The following KIT variants were observed in gnomAD, a reference collection of about 807,000 sequenced individuals.
KIT encodes KIT proto-oncogene, receptor tyrosine kinase, also known as mast/stem cell growth factor receptor Kit.
A neutral mutation model predicts 105.7 loss-of-function variants in KIT; 16 were observed. That is an observed-to-expected ratio of 0.15 (90% CI 0.10 to 0.23). The LOEUF is 0.23. KIT is among the 10% of genes least tolerant of loss of function. The pLI is 1.00. For synonymous variants in KIT, 438 were observed against 441.1 expected, an observed-to-expected ratio of 0.99 and a Z score of 0.09; for missense variants, 858 against 1,213.8, an observed-to-expected ratio of 0.71 and a Z score of 4.36.
At chr4:54,668,974 A>C (rs1717902789) in intron 1 of KIT, among the ~76,000 whole-genome samples, 1 of 152,214 alleles carries the variant, frequency 6.6e-6, no homozygotes, top group African/African-American at 2.4e-5. Context: ...GAAATGGTTG[A>C]TATTGATATT....
At chr4:54,733,600 A>G (rs1473823737) in intron 17 of KIT, among the ~76,000 whole-genome samples, 2 of 152,182 alleles carry the variant, frequency 1.3e-5, no homozygotes, top group Non-Finnish European at 2.9e-5. Context: ...TTAGCCATAT[A>G]GAATGTTGGA....
chr4:54,698,143 A>G (rs1397915259), intron 2 of KIT, 141 bp from the exon 3 acceptor site: 1 of 775,586 alleles, frequency 1.3e-6, no homozygotes, highest in Admixed American at 2.0e-5. Flanking sequence ...CTAGATGGAT[A>G]AATTTTGCTT....
intron 11 of KIT, 124 bp downstream of exon 11, chr4:54,727,666 G>T (rs955536053): frequency 5.0e-6 from 7 of 1,390,124 alleles, no homozygotes; most frequent in East Asian, 2.3e-5. Context: ...GTGAAATTGC[G>T]CCCCTTTTGA....
Position 54,695,595 on chromosome 4 carries a change from G to A in KIT, c.151G>A (p.Gly51Ser), listed in dbSNP as rs1720006705. 1 of 1,614,034 alleles carries A rather than the reference G, an allele frequency of 6.2e-7. No individual in the cohort carries two copies. The highest frequency in any genetic ancestry group is 8.5e-7 in the Non-Finnish European group (1 of 1,179,950). The change falls in exon 2 of 21, where the codon GGC (glycine) becomes AGC (serine). Residue 51 changes from glycine to serine, a missense_variant. Gly to Ser is a moderately conservative substitution (Grantham distance 56, BLOSUM62 0). Coordinates refer to ENST00000288135, the MANE Select transcript of KIT (RefSeq NM_000222.3). ...AAAATCAGACTTAATAGTCCGCGTG[G>A]GCGACGAGATTAGGCTGTTATGCAC... ...PGKSDLIVRV[G>S]DEIRLLCTDP...
chr4:54,725,451 A>C (rs962303265), intron 8 of KIT, among the ~76,000 whole-genome samples: 1 of 151,900 alleles, frequency 6.6e-6, no homozygotes, highest in Non-Finnish European at 1.5e-5. Flanking sequence ...TTTCTTTTCA[A>C]CCATTCGTGT....
In KIT at chr4:54,672,455, C is replaced by G. The variant is rs147280342; in HGVS notation, c.67+14374C>G. ...TGGTTGCCTTCAGACTGATACCTTT[C>G]TATAATACCCTTGTCTGCTGTTTTT... On this transcript the variant is annotated intron_variant, in intron 1 of 20. Coordinates refer to ENST00000288135, the MANE Select transcript of KIT (RefSeq NM_000222.3). Among the ~76,000 whole-genome samples the G allele has an allele frequency of 1.1e-4, 16 of 152,182 alleles. No homozygotes were observed. The East Asian group carries it at 3.1e-3, about 29-fold the overall frequency.
At chr4:54,712,361 A>G (rs1721216074) in intron 7 of KIT, among the ~76,000 whole-genome samples, 1 of 152,236 alleles carries the variant, frequency 6.6e-6, no homozygotes, top group Admixed American at 6.5e-5. Flanking sequence ...CCTGTGCACC[A>G]GCAACAGCAG....
chr4:54,709,829 A>T (rs1401117937), intron 7 of KIT, among the ~76,000 whole-genome samples: 1 of 152,196 alleles, frequency 6.6e-6, no homozygotes, highest in Non-Finnish European at 1.5e-5. Flanking sequence ...TTGAGGGAAA[A>T]TGTATTATTA....
intron 1 of KIT, among the ~76,000 whole-genome samples, chr4:54,678,367 T>G (rs1300769598): frequency 1.3e-5 from 1 of 78,642 alleles, no homozygotes. Context: ...CCTCCCTCCC[T>G]CCCTCCCTCC....
At chr4:54,732,045 A>AT (rs71662297) in intron 16 of KIT, 47 bp downstream of exon 16, 94,873 of 859,168 alleles carry the variant, frequency 0.11, 557 homozygotes, top group East Asian at 0.14. Context: ...TGTTTTTTTG[A>AT]TTTTTTTTTT....
Position 54,727,422 on chromosome 4 carries a change from A to T in KIT, c.1654A>T (p.Met552Leu), listed in dbSNP as rs777596975. 3.7e-6 allele frequency: 6 copies of T among 1,614,174 alleles called. No homozygotes were observed. The highest frequency in any genetic ancestry group is 5.1e-6 in the Non-Finnish European group (6 of 1,180,010). Residue 552 changes from methionine to leucine, a missense_variant, in exon 11 of 21, where the codon ATG (methionine) becomes TTG (leucine). Physicochemically the swap from Met to Leu is conservative, Grantham distance 15. Coordinates refer to ENST00000288135, the MANE Select transcript of KIT (RefSeq NM_000222.3). ...TTTCCCTTTCTCCCCACAGAAACCC[A>T]TGTATGAAGTACAGTGGAAGGTTGT... ...ILTYKYLQKP[M>L]YEVQWKVVEE... is the part of the protein sequence containing the mutation.
At chr4:54,699,200 G>T (rs546004967) in intron 3 of KIT, among the ~76,000 whole-genome samples, 1 of 152,270 alleles carries the variant, frequency 6.6e-6, no homozygotes, top group South Asian at 2.1e-4. Context: ...GGGAAAATTT[G>T]ATTATTTAAA....
In KIT at chr4:54,707,312, G is replaced by A. The variant is rs566488735; in HGVS notation, c.1115+25G>A. On this transcript the variant is annotated intron_variant, in intron 6 of 20. Coordinates refer to ENST00000288135, the MANE Select transcript of KIT (RefSeq NM_000222.3). ...GGTAAGAAATGGACCTTGCCCTGGG[G>A]GATTACACATTACCCCCTTTTCCAG... is the stretch of plus-strand genomic sequence containing the variant. 2.7e-6 allele frequency: 4 copies of A among 1,508,172 alleles called. No individual in the cohort carries two copies. The East Asian group carries it at 6.8e-5, about 25-fold the overall frequency. The allele number at this position is 1,508,172 out of a possible 1,614,324, so 93.4% of individuals were successfully genotyped here.
rs528891717 is a variant in KIT, at chr4:54,738,947, A to G, written c.*390A>G. The G allele has an allele frequency of 2.7e-4, 143 of 536,162 alleles. No homozygotes were observed. Among genetic ancestry groups the G allele is most frequent in the Non-Finnish European group, 4.1e-4 (127 of 306,332 alleles). The allele number at this position is 536,162 out of a possible 1,614,324, so 33.2% of individuals were successfully genotyped here. On this transcript the variant is annotated 3_prime_UTR_variant, in exon 21 of 21. Transcript: ENST00000288135. ...GGCCTTCAGAACCATCCATAGTAGTATGATGATACAAGATTAGAAGCTGAA... is the reference window on the plus strand; with the variant it reads ...GGCCTTCAGAACCATCCATAGTAGTGTGATGATACAAGATTAGAAGCTGAA...
At chr4:54,677,696 C>T (rs1377572871) in intron 1 of KIT, among the ~76,000 whole-genome samples, 8 of 152,196 alleles carry the variant, frequency 5.3e-5, no homozygotes, top group Non-Finnish European at 2.9e-5. Context: ...AGTCAATTTA[C>T]TTTGGCCTGG....
chr4:54,737,077 A>C (rs1180899013), intron 19 of KIT, 98 bp from the exon 20 acceptor site: 4 of 813,890 alleles, frequency 4.9e-6, no homozygotes, highest in Non-Finnish European at 8.7e-6. Context: ...GTCCAGTTGC[A>C]TAGCCCTGGA....
At position 54,738,504 on chromosome 4, in the gene KIT, G is replaced by A. The variant is rs2109819045; in HGVS notation, c.2878G>A (p.Val960Ile). 6.2e-7 allele frequency: 1 copy of A among 1,614,084 alleles called. No individual in the cohort carries two copies. Among genetic ancestry groups the A allele is most frequent in the Non-Finnish European group, 8.5e-7 (1 of 1,180,028 alleles). ...VVDHSVRINS[V>I]GSTASSSQPL... ...AGACCATTCTGTGCGGATCAATTCT[G>A]TCGGCAGCACCGCTTCCTCCTCCCA... Residue 960 changes from valine (V) to isoleucine (I), a missense_variant, in exon 21 of 21, where the codon GTC (valine) becomes ATC (isoleucine). Val to Ile is a conservative substitution (Grantham distance 29). Around this residue, in one of 7 missense-constraint regions of KIT, gnomAD observed 105 missense variants for 103.5 expected, o/e 1.01. Coordinates refer to ENST00000288135, the MANE Select transcript of KIT (RefSeq NM_000222.3).
Position 54,740,132 on chromosome 4 carries a change from C to T in KIT, c.*1575C>T, listed in dbSNP as rs561819471. Reference sequence around the variant, plus strand: ...TGTCTTGAAAGATTCAGGTATGTTGCCTTTATGGTTTCCCCCTTCTACATT... The same window carrying T: ...TGTCTTGAAAGATTCAGGTATGTTGTCTTTATGGTTTCCCCCTTCTACATT... On this transcript the variant is annotated 3_prime_UTR_variant, in exon 21 of 21. Transcript: ENST00000288135. 3.4e-5 allele frequency: 8 copies of T among 233,470 alleles called. No homozygotes were observed. The highest frequency in any genetic ancestry group is 5.9e-5 in the Non-Finnish European group (7 of 118,008). 14.5% of individuals were successfully genotyped at this position (233,470 alleles called of 1,614,324 possible).
At chr4:54,698,861 AGGGAAACCCATTG>A (rs1720260521) in intron 3 of KIT, among the ~76,000 whole-genome samples, 2 of 152,250 alleles carry the variant, frequency 1.3e-5, no homozygotes, top group African/African-American at 4.8e-5. Flanking sequence ...ACTCGTTCTA[AGGGAAACCCATTG>A]GGTAGCTTGA....
Sources: allele counts gnomAD v4.1 joint callset (sites outside exome capture counted in the v4.1 genomes callset), GRCh38; gene constraint gnomAD v4.1.1; regional missense constraint gnomAD v4.1.1; transcripts MANE v1.5; gene names NCBI Gene and HGNC (gene_info 2026-07-23, HGNC 2026-07-21).